The following COPG2 variants were observed in gnomAD, a reference collection of about 807,000 sequenced individuals.
COPG2 encodes the protein coatomer subunit gamma-2.
Under a neutral mutation model 46.3 loss-of-function variants are expected in COPG2, and 37 were observed. The ratio of observed to expected loss-of-function variants is 0.80; its 90% CI spans 0.61 to 1.05. COPG2 has a LOEUF of 1.05. COPG2 is among the 50% of genes least tolerant of loss of function. COPG2 has a pLI of 0.00. For synonymous variants in COPG2, 159 were observed against 129.7 expected (o/e 1.23, Z -1.53); for missense variants, 427 against 387.8 (o/e 1.10, Z -0.85).
At chr7:130,615,086 C>T (rs1190864459) in intron 6 of COPG2, among the ~76,000 whole-genome samples, 5 of 152,168 alleles carry the variant, frequency 3.3e-5, no homozygotes. Flanking sequence ...AGGATGGCTC[C>T]AAGTTGGTGT....
At chr7:130,534,780 G>A (rs1799862671) in intron 20 of COPG2, among the ~76,000 whole-genome samples, 1 of 152,114 alleles carries the variant, frequency 6.6e-6, no homozygotes, top group Admixed American at 6.5e-5. Context: ...CGGTGGATCT[G>A]GACAGCCACA....
chr7:130,541,732 G>A (rs1325548594), intron 20 of COPG2, among the ~76,000 whole-genome samples: 10 of 149,840 alleles, frequency 6.7e-5, no homozygotes, highest in East Asian at 5.8e-4. Flanking sequence ...CCACTGGGAC[G>A]TGAGCTTGGA....
At chr7:130,612,480 G>A (rs1554452268) in intron 7 of COPG2, among the ~76,000 whole-genome samples, 1 of 152,140 alleles carries the variant, frequency 6.6e-6, no homozygotes, top group Non-Finnish European at 1.5e-5. Context: ...AGGAAGTAAT[G>A]AAAGAGGAAG....
intron 9 of COPG2, among the ~76,000 whole-genome samples, chr7:130,577,236 T>C (rs568750959): frequency 6.6e-6 from 1 of 152,330 alleles, no homozygotes; most frequent in South Asian, 2.1e-4. Flanking sequence ...GACCGGTGAT[T>C]TCTGCATTTC....
intron 20 of COPG2, among the ~76,000 whole-genome samples, chr7:130,538,377 G>A (rs1200620069): frequency 6.6e-6 from 1 of 152,122 alleles, no homozygotes; most frequent in Non-Finnish European, 1.5e-5. Flanking sequence ...ACATCATGAA[G>A]TTGTGGGGAG....
intron 5 of COPG2, among the ~76,000 whole-genome samples, chr7:130,648,500 G>T (rs1329166336): frequency 6.6e-6 from 1 of 152,128 alleles, no homozygotes; most frequent in Non-Finnish European, 1.5e-5. Flanking sequence ...ATTTGGTGTG[G>T]GTGAGACTCT....
intron 9 of COPG2, among the ~76,000 whole-genome samples, chr7:130,578,769 G>A: frequency 6.6e-6 from 1 of 152,050 alleles, no homozygotes; most frequent in Middle Eastern, 3.4e-3. Context: ...TTAAATGAAT[G>A]AAATGAAGCG....
At chr7:130,518,070 T>C (rs1156491800) in intron 20 of COPG2, among the ~76,000 whole-genome samples, 5 of 152,210 alleles carry the variant, frequency 3.3e-5, no homozygotes, top group East Asian at 1.9e-4. Context: ...TTATACAGCA[T>C]TGCAAACACA....
At chr7:130,607,240 C>CATAAATAAATAAATAA (rs5887469) in intron 9 of COPG2, among the ~76,000 whole-genome samples, 4 of 145,862 alleles carry the variant, frequency 2.7e-5, no homozygotes, top group African/African-American at 1.0e-4. Flanking sequence ...GAGAGACTGT[C>CATAAATAAATAAATAA]ATAAATAAAT....
chr7:130,583,385 T>C (rs1210195111), intron 9 of COPG2, among the ~76,000 whole-genome samples: 1 of 147,706 alleles, frequency 6.8e-6, no homozygotes, highest in Non-Finnish European at 1.5e-5. Context: ...TTGGGAGATA[T>C]ACCTAATGCT....
intron 11 of COPG2, among the ~76,000 whole-genome samples, chr7:130,562,623 G>A (rs1264086193): frequency 2.0e-5 from 3 of 152,110 alleles, no homozygotes; most frequent in Non-Finnish European, 4.4e-5. Flanking sequence ...CCAGGCATTT[G>A]AAAGGTGGCT....
At position 130,634,879 on chromosome 7, in the gene COPG2, G is replaced by A. The variant is rs143434096; in HGVS notation, c.324-17814C>T. On this transcript the variant is annotated intron_variant, in intron 5 of 23. Coordinates refer to ENST00000425248, the MANE Select transcript of COPG2 (RefSeq NM_012133.6). Reference sequence around the variant, plus strand: ...AATAGCTCTTATTATTTTGAGATACGTTCCATCAACACCTAGTTTTTTGAG... The same window carrying A: ...AATAGCTCTTATTATTTTGAGATACATTCCATCAACACCTAGTTTTTTGAG... 3.1e-3 allele frequency among the ~76,000 whole-genome samples: 478 copies of A among 151,878 alleles called. 1 individual carries two copies. The highest frequency in any genetic ancestry group is 9.8e-3 in the African/African-American group (406 of 41,430).
At chr7:130,540,123 G>A (rs1799922283) in intron 20 of COPG2, among the ~76,000 whole-genome samples, 1 of 152,050 alleles carries the variant, frequency 6.6e-6, no homozygotes, top group Admixed American at 6.6e-5. Context: ...GCAGTGGGGT[G>A]TGAGTGGGAG....
At chr7:130,653,291 T>C (rs1795784750) in intron 4 of COPG2, among the ~76,000 whole-genome samples, 1 of 152,214 alleles carries the variant, frequency 6.6e-6, no homozygotes, top group Non-Finnish European at 1.5e-5. Context: ...TTACGCTCTG[T>C]TGCCTAGGCT....
chr7:130,667,536 T>G lies in COPG2; in HGVS notation c.38-2A>C, dbSNP rs1796112504. 1 of 1,612,936 alleles carries G rather than the reference T, an allele frequency of 6.2e-7. No homozygotes were observed. The highest frequency in any genetic ancestry group is 8.5e-7 in the Non-Finnish European group (1 of 1,179,268). On this transcript the variant is annotated splice_acceptor_variant, in intron 1 of 23. Coordinates refer to ENST00000425248, the MANE Select transcript of COPG2 (RefSeq NM_012133.6). LOFTEE classifies it high-confidence loss of function. ...GCTGGAAAGGATTGGAGCCACTACCTATTTATAAAACAAAACAAAAAAATG... is the reference window on the plus strand; with the variant it reads ...GCTGGAAAGGATTGGAGCCACTACCGATTTATAAAACAAAACAAAAAAATG...
chr7:130,602,642 T>C lies in COPG2; in HGVS notation c.737+8311A>G, dbSNP rs558948940. The stretch of plus-strand genomic sequence containing the variant: ...ACACACCATCACACCCAGCTAATTT[T>C]TGTATTTTTAGTAGAGACGGGGGTT... On this transcript the variant is annotated intron_variant, in intron 9 of 23. Coordinates refer to ENST00000425248, the MANE Select transcript of COPG2 (RefSeq NM_012133.6). 1.6e-4 allele frequency among the ~76,000 whole-genome samples: 25 copies of C among 152,240 alleles called. 1 individual carries two copies. In the South Asian group the frequency reaches 5.0e-3, roughly 30 times the overall value.
At chr7:130,646,929 G>A (rs13239159) in intron 5 of COPG2, among the ~76,000 whole-genome samples, 93 of 103,014 alleles carry the variant, frequency 9.0e-4, no homozygotes, top group Middle Eastern at 5.1e-3. Context: ...GTTTGTGTGT[G>A]TATATATATA....
chr7:130,633,918 A>C (rs1417157152), intron 5 of COPG2, among the ~76,000 whole-genome samples: 1 of 152,192 alleles, frequency 6.6e-6, no homozygotes, highest in African/African-American at 2.4e-5. Context: ...AAAGGGGTCC[A>C]GTTTGAGTTT....
chr7:130,575,197 C>T (rs36165622), intron 9 of COPG2, among the ~76,000 whole-genome samples: 21,918 of 152,088 alleles, frequency 0.14, 2,868 homozygotes, highest in African/African-American at 0.35. Context: ...ACAAGAAGCA[C>T]AAAGAACACC....
Sources: gnomAD v4.1 joint callset for allele counts (sites outside exome capture counted in the v4.1 genomes callset) on GRCh38, gnomAD v4.1.1 for gene constraint, MANE v1.5 for transcripts, NCBI Gene and HGNC (gene_info 2026-07-23, HGNC 2026-07-21) for gene names.